TASOR: variants seen among roughly 807,000 people sequenced by gnomAD.
The protein encoded by TASOR is transcription activation suppressor.
In TASOR, 53 loss-of-function variants were observed where a neutral mutation model predicts 178.6. The observed-to-expected ratio is 0.30, with a 90% CI of 0.24 to 0.37. The LOEUF is 0.37. TASOR is among the 10% of genes least tolerant of loss of function. TASOR has a pLI of 1.00. For synonymous variants in TASOR, 713 were observed against 696.2 expected, an observed-to-expected ratio of 1.02 and a Z score of -0.38; for missense variants, 1,815 against 1,971.4, an observed-to-expected ratio of 0.92 and a Z score of 1.50.
chr3:56,666,391 A>T lies in TASOR; in HGVS notation c.898-7T>A. 1.4e-6 allele frequency: 2 copies of T among 1,472,404 alleles called. No individual in the cohort carries two copies. Among genetic ancestry groups the T allele is most frequent in the Non-Finnish European group, 1.8e-6 (2 of 1,113,490 alleles). The allele number at this position is 1,472,404 out of a possible 1,614,324, so 91.2% of individuals were successfully genotyped here. A position where few individuals can be genotyped will look rare whatever the true frequency, so the allele number is the denominator to read the frequency against. The stretch of plus-strand genomic sequence containing the variant: ...CATACTCATAAAAATAATACTAAAA[A>T]TAAGAAAATGAAAAATTAACTTCTT... On this transcript the variant is annotated splice_region_variant and splice_polypyrimidine_tract_variant and intron_variant, in intron 6 of 23. Coordinates refer to ENST00000683822, the MANE Select transcript of TASOR (RefSeq NM_001365635.2).
intron 14 of TASOR, among the ~76,000 whole-genome samples, chr3:56,643,339 A>G (rs2077167159): frequency 1.3e-5 from 2 of 152,134 alleles, no homozygotes; most frequent in Admixed American, 6.5e-5. Context: ...GTGCTTAAAT[A>G]GGTACACTGA....
rs763645466 is a variant in TASOR, at chr3:56,620,803, T to C, written c.*2234A>G. On this transcript the variant is annotated 3_prime_UTR_variant, in exon 24 of 24. Transcript: ENST00000683822. Reference sequence around the variant, plus strand: ...CCCATCAATATAGCACCCAGTGTTATTTCAGCAGGACCCTTCTGTTAGCAT... The same window carrying C: ...CCCATCAATATAGCACCCAGTGTTACTTCAGCAGGACCCTTCTGTTAGCAT... The C allele has an allele frequency of 6.6e-6, 1 of 152,222 alleles. No individual in the cohort carries two copies. Among genetic ancestry groups the C allele is most frequent in the Non-Finnish European group, 1.5e-5 (1 of 68,080 alleles). 9.4% of individuals were successfully genotyped at this position (152,222 alleles called of 1,614,324 possible).
At position 56,668,615 on chromosome 3, in the gene TASOR, CATTAAT is replaced by C. The variant is rs1172418869; in HGVS notation, c.736-63_736-58del. 2.4e-5 allele frequency: 28 copies of C among 1,185,466 alleles called. No individual in the cohort carries two copies. The East Asian group carries it at 5.3e-4, about 22-fold the overall frequency. 73.4% of individuals were successfully genotyped at this position (1,185,466 alleles called of 1,614,324 possible). ...CTAAACCTAATTGTTGACTATATAACATTAATATTATGAAATACTTCTTTGAATATA... is the reference window on the plus strand; with the variant it reads ...CTAAACCTAATTGTTGACTATATAACATTATGAAATACTTCTTTGAATATA... On this transcript the variant is annotated intron_variant, in intron 5 of 23. Transcript: ENST00000683822.
At chr3:56,662,058 A>G (rs2077608525) in intron 9 of TASOR, among the ~76,000 whole-genome samples, 1 of 150,410 alleles carries the variant, frequency 6.6e-6, no homozygotes, top group Non-Finnish European at 1.5e-5. Flanking sequence ...TGAACCCGGG[A>G]GGCGAAGGTT....
chr3:56,669,520 A>C (rs994603168), intron 5 of TASOR, among the ~76,000 whole-genome samples, 180 bp downstream of exon 5: 9 of 152,150 alleles, frequency 5.9e-5, no homozygotes, highest in African/African-American at 1.9e-4. Context: ...AAACCAAAAA[A>C]CAAAAAACAA....
rs867668236 is a variant in TASOR, at chr3:56,664,795, T to C, written c.1023-1223A>G. Among the ~76,000 whole-genome samples the C allele has an allele frequency of 5.9e-5, 9 of 152,170 alleles. No homozygotes were observed. In the South Asian group the frequency reaches 1.2e-3, roughly 21 times the overall value. Reference sequence around the variant, plus strand: ...AGAATCAACACATGGGGAAAAAAAATGGTAACTGCTTCCTATTTGGTCACC... The same window carrying C: ...AGAATCAACACATGGGGAAAAAAAACGGTAACTGCTTCCTATTTGGTCACC... On this transcript the variant is annotated intron_variant, in intron 7 of 23. Coordinates refer to ENST00000683822, the MANE Select transcript of TASOR (RefSeq NM_001365635.2).
chr3:56,679,775 C>A (rs1348774198), intron 1 of TASOR, among the ~76,000 whole-genome samples: 2 of 152,150 alleles, frequency 1.3e-5, no homozygotes, highest in Non-Finnish European at 1.5e-5. Flanking sequence ...CTTTTTATGA[C>A]TCACTAGATT....
Position 56,673,613 on chromosome 3 carries a change from A to C in TASOR, c.444T>G (p.Ala148=). 3 of 1,551,128 alleles carry C rather than the reference A, an allele frequency of 1.9e-6. No homozygotes were observed. Among genetic ancestry groups the C allele is most frequent in the South Asian group, 1.2e-5 (1 of 83,918 alleles). ...CCAAAAGCTCATTGTGTACCAAGCAAGCACGTCTGTAGTTAAAATTTGTTA... is the reference window on the plus strand; with the variant it reads ...CCAAAAGCTCATTGTGTACCAAGCACGCACGTCTGTAGTTAAAATTTGTTA... ...TSVTNFNYRR[A]CLVHNELLEK... The change falls in exon 2 of 24, where the codon GCT becomes GCG. Residue 148 remains alanine, a synonymous_variant. Transcript: ENST00000683822.
chr3:56,667,192 A>G (rs1362474585), intron 6 of TASOR, among the ~76,000 whole-genome samples: 2 of 152,222 alleles, frequency 1.3e-5, no homozygotes, highest in Admixed American at 6.5e-5. Context: ...GTCAGTCCCA[A>G]ATGACTTTGG....
At chr3:56,661,158 G>T (rs956033084) in intron 9 of TASOR, 141 bp from the exon 10 acceptor site, 2 of 622,168 alleles carry the variant, frequency 3.2e-6, no homozygotes, top group Admixed American at 5.9e-5. Flanking sequence ...AAGATCTTTT[G>T]TTTCGTTTGT....
At chr3:56,677,611 T>C (rs996727811) in intron 1 of TASOR, among the ~76,000 whole-genome samples, 1 of 152,222 alleles carries the variant, frequency 6.6e-6, no homozygotes, top group African/African-American at 2.4e-5. Flanking sequence ...TGTGTGTGCA[T>C]ATGGGTATTA....
chr3:56,682,994 C>A lies in TASOR; in HGVS notation c.13G>T (p.Val5Leu). Residue 5 changes from valine to leucine, a missense_variant, in exon 1 of 24, where the codon GTG (valine) becomes TTG (leucine). Transcript: ENST00000683822. The stretch of plus-strand genomic sequence containing the variant: ...GTCGGCTGACAGGCCTCCGTCTCCA[C>A]AGCAGTCGCCATCGCGCCGGCCTAA... Reference protein sequence around the residue: MATAVETEACQPTDA... With the variant: MATALETEACQPTDA... The A allele has an allele frequency of 6.5e-7, 1 of 1,544,480 alleles. No individual in the cohort carries two copies. Among genetic ancestry groups the A allele is most frequent in the Non-Finnish European group, 8.7e-7 (1 of 1,143,612 alleles).
intron 14 of TASOR, among the ~76,000 whole-genome samples, chr3:56,642,925 G>A (rs937496583): frequency 1.3e-5 from 2 of 151,952 alleles, no homozygotes; most frequent in East Asian, 1.9e-4. Context: ...GCGGTGAGCC[G>A]AGATCATGCC....
chr3:56,649,600 T>C (rs1010659712), intron 11 of TASOR, among the ~76,000 whole-genome samples: 4 of 152,218 alleles, frequency 2.6e-5, no homozygotes, highest in African/African-American at 9.6e-5. Context: ...GAGAAGTTTA[T>C]AATTAGGTAG....
chr3:56,662,554 T>A (rs1376553548), intron 8 of TASOR, 64 bp from the exon 9 acceptor site: 6 of 737,148 alleles, frequency 8.1e-6, no homozygotes, highest in Non-Finnish European at 1.3e-5. Context: ...TGAGTGCACA[T>A]TTATTAGAAA....
rs1350848626 is a variant in TASOR at position 56,666,489 on chromosome 3, G to A, written c.898-105C>T. The A allele has an allele frequency of 3.8e-6, 3 of 782,990 alleles. No individual in the cohort carries two copies. The African/African-American group carries it at 5.4e-5, about 14-fold the overall frequency. The allele number at this position is 782,990 out of a possible 1,614,324, so 48.5% of individuals were successfully genotyped here. A position where few individuals can be genotyped will look rare whatever the true frequency, so the allele number is the denominator to read the frequency against. On this transcript the variant is annotated intron_variant, in intron 6 of 23. Coordinates refer to ENST00000683822, the MANE Select transcript of TASOR (RefSeq NM_001365635.2). ...AATAGAAAACCATATATGCACTTCT[G>A]ACAAAAAATGTCTTTAAGCTCTGCG...
At chr3:56,632,931 C>A in intron 18 of TASOR, 113 bp downstream of exon 18, 1 of 907,108 alleles carries the variant, frequency 1.1e-6, no homozygotes, top group Non-Finnish European at 1.6e-6. Context: ...GCCACCATTC[C>A]TGGCCTAACA....
chr3:56,675,553 TCCATCTTATGCACAAA>T (rs2031210596), intron 1 of TASOR, among the ~76,000 whole-genome samples: 1 of 142,814 alleles, frequency 7.0e-6, no homozygotes, highest in Admixed American at 7.5e-5. Flanking sequence ...ACCTCAAATT[TCCATCTTATGCACAAA>T]ATACTTTAAT....
intron 9 of TASOR, 72 bp from the exon 10 acceptor site, chr3:56,661,089 A>G: frequency 1.1e-6 from 1 of 891,702 alleles, no homozygotes; most frequent in Non-Finnish European, 1.8e-6. Flanking sequence ...CACATACACA[A>G]AAAAGTACAC....
Sources: allele counts gnomAD v4.1 joint callset (sites outside exome capture counted in the v4.1 genomes callset), GRCh38; gene constraint gnomAD v4.1.1; transcripts MANE v1.5; gene names NCBI Gene and HGNC (gene_info 2026-07-23, HGNC 2026-07-21).